The following IL1RAPL2 variants were observed in gnomAD, a reference collection of about 807,000 sequenced individuals.
The protein encoded by IL1RAPL2 is interleukin 1 receptor accessory protein like 2.
Under a neutral mutation model 44.1 loss-of-function variants are expected in IL1RAPL2, and 3 were observed. The observed-to-expected ratio is 0.07, with a 90% CI of 0.03 to 0.18. The LOEUF (loss-of-function observed/expected upper bound fraction) is 0.18, where lower values mean the gene tolerates loss of function less well. Ranked by LOEUF, IL1RAPL2 falls within the 10% of genes least tolerant of loss-of-function variation. The pLI is 1.00. For missense variants in IL1RAPL2, 391 were observed against 496.4 expected, an observed-to-expected ratio of 0.79 and a Z score of 2.02; for synonymous variants, 181 against 178.8, an observed-to-expected ratio of 1.01 and a Z score of -0.10.
intron 5 of IL1RAPL2, among the ~76,000 whole-genome samples, chrX:105,446,980 G>C (rs2035959419): frequency 1.0e-5 from 1 of 95,902 alleles, no homozygotes; most frequent in African/African-American, 3.8e-5. Flanking sequence ...GGTAGGGCTG[G>C]TGTTGATGAA....
intron 2 of IL1RAPL2, among the ~76,000 whole-genome samples, chrX:104,704,675 T>C (rs760806937): frequency 9.0e-6 from 1 of 111,663 alleles, no homozygotes; most frequent in Non-Finnish European, 1.9e-5. Context: ...TACAGAGAGA[T>C]ATAAATATAC....
intron 2 of IL1RAPL2, among the ~76,000 whole-genome samples, chrX:104,814,817 G>T (rs1297342720): frequency 8.9e-6 from 1 of 112,142 alleles, no homozygotes; most frequent in East Asian, 2.8e-4. Flanking sequence ...TGAGAGCCAA[G>T]AAATGTTCTT....
chrX:104,939,507 T>G (rs1925110899), intron 2 of IL1RAPL2, among the ~76,000 whole-genome samples: 1 of 112,130 alleles, frequency 8.9e-6, no homozygotes, highest in South Asian at 3.7e-4. Flanking sequence ...GCCCAACTTT[T>G]TATTTTCTTA....
intron 2 of IL1RAPL2, among the ~76,000 whole-genome samples, chrX:104,828,315 T>G (rs1038487336): frequency 8.9e-6 from 1 of 112,013 alleles, no homozygotes; most frequent in Admixed American, 9.5e-5. Flanking sequence ...ATTTTTTGCA[T>G]GGTTGTCTTT....
At chrX:104,819,940 G>T (rs896446036) in intron 2 of IL1RAPL2, among the ~76,000 whole-genome samples, 21 of 109,592 alleles carry the variant, frequency 1.9e-4, no homozygotes, top group Non-Finnish European at 3.4e-4. Context: ...AAATATGAGG[G>T]TTTTTTTTTA....
At chrX:105,201,027 T>A (rs1199272698) in intron 3 of IL1RAPL2, among the ~76,000 whole-genome samples, 4 of 111,553 alleles carry the variant, frequency 3.6e-5, no homozygotes, top group Non-Finnish European at 7.5e-5. Flanking sequence ...GGTTCAAAAT[T>A]ATTATGACCA....
intron 3 of IL1RAPL2, among the ~76,000 whole-genome samples, chrX:105,229,672 A>G (rs782329943): frequency 8.9e-6 from 1 of 112,125 alleles, no homozygotes; most frequent in Non-Finnish European, 1.9e-5. Flanking sequence ...TATACTTTGG[A>G]GAGGTCAGGG....
intron 8 of IL1RAPL2, among the ~76,000 whole-genome samples, chrX:105,746,062 A>G (rs1208892966): frequency 8.9e-6 from 1 of 111,969 alleles, no homozygotes; most frequent in East Asian, 2.8e-4. Flanking sequence ...CCATGACAGA[A>G]GCCCTCAGGT....
At chrX:105,640,699 CAT>C (rs1418073088) in intron 6 of IL1RAPL2, among the ~76,000 whole-genome samples, 14 of 87,100 alleles carry the variant, frequency 1.6e-4, no homozygotes, top group Non-Finnish European at 2.8e-4. Flanking sequence ...TATACACACA[CAT>C]ATACATATAT....
intron 2 of IL1RAPL2, among the ~76,000 whole-genome samples, chrX:104,881,360 C>CA (rs1344504651): frequency 1.8e-5 from 2 of 111,736 alleles, no homozygotes; most frequent in African/African-American, 6.5e-5. Context: ...CTGTAAATTG[C>CA]ACTGAATTTT....
At chrX:105,295,043 A>C (rs1040044653) in intron 5 of IL1RAPL2, among the ~76,000 whole-genome samples, 5 of 111,832 alleles carry the variant, frequency 4.5e-5, no homozygotes, top group African/African-American at 1.6e-4. Flanking sequence ...AGCTCATTAT[A>C]GAGGAAGGGA....
chrX:104,916,138 G>A (rs1218597118), intron 2 of IL1RAPL2, among the ~76,000 whole-genome samples: 2 of 111,642 alleles, frequency 1.8e-5, no homozygotes, highest in East Asian at 2.8e-4. Context: ...GGATGGCATT[G>A]AATCTATAAA....
chrX:105,568,872 AAT>A (rs1359283631), intron 6 of IL1RAPL2, among the ~76,000 whole-genome samples: 3 of 111,896 alleles, frequency 2.7e-5, no homozygotes, highest in Non-Finnish European at 3.8e-5. Flanking sequence ...ACCTTTCTTG[AAT>A]GCACAAAATA....
chrX:104,673,321 G>A (rs1201240361), intron 2 of IL1RAPL2, among the ~76,000 whole-genome samples: 1 of 111,231 alleles, frequency 9.0e-6, no homozygotes, highest in Admixed American at 9.5e-5. Context: ...CATATGGCTA[G>A]CCAGTTTTCC....
chrX:104,673,361 T>C (rs1416677992), intron 2 of IL1RAPL2, among the ~76,000 whole-genome samples: 1 of 111,449 alleles, frequency 9.0e-6, no homozygotes, highest in Non-Finnish European at 1.9e-5. Context: ...GGGAATCCTT[T>C]CCCCATTGCT....
chrX:104,776,404 C>A (rs759089291), intron 2 of IL1RAPL2, among the ~76,000 whole-genome samples: 2 of 112,093 alleles, frequency 1.8e-5, no homozygotes, highest in South Asian at 7.4e-4. Flanking sequence ...CAATGTTGCT[C>A]TCTTGGCTTT....
At chrX:105,201,518 C>T (rs1556146431) in intron 3 of IL1RAPL2, among the ~76,000 whole-genome samples, 5 of 111,591 alleles carry the variant, frequency 4.5e-5, no homozygotes, top group Admixed American at 2.9e-4. Flanking sequence ...CATATATAAG[C>T]GAGTATTTTT....
At chrX:105,134,584 T>C (rs902745576) in intron 2 of IL1RAPL2, among the ~76,000 whole-genome samples, 1 of 111,578 alleles carries the variant, frequency 9.0e-6, no homozygotes, top group African/African-American at 3.3e-5. Context: ...AGGTACTTAA[T>C]ACTACTGTCT....
intron 5 of IL1RAPL2, among the ~76,000 whole-genome samples, chrX:105,378,213 G>A (rs2035402768): frequency 8.9e-6 from 1 of 111,774 alleles, no homozygotes; most frequent in African/African-American, 3.2e-5. Flanking sequence ...ATAGGCTGAT[G>A]TCAGTTAATT....
Sources: allele counts gnomAD v4.1 joint callset (sites outside exome capture counted in the v4.1 genomes callset), GRCh38; gene constraint gnomAD v4.1.1; transcripts MANE v1.5; gene names NCBI Gene and HGNC (gene_info 2026-07-23, HGNC 2026-07-21).